The following PIK3CD variants were observed in gnomAD, a reference collection of about 807,000 sequenced individuals.
PIK3CD encodes phosphatidylinositol 4,5-bisphosphate 3-kinase catalytic subunit delta isoform.
PIK3CD carries 20 observed loss-of-function variants against 122.9 expected under a neutral mutation model. The observed-to-expected ratio is 0.16, with a 90% confidence interval of 0.11 to 0.24. The LOEUF (loss-of-function observed/expected upper bound fraction) is 0.24. Ranked by LOEUF, PIK3CD falls within the 10% of genes least tolerant of loss-of-function variation. The pLI is 1.00. For missense variants in PIK3CD, 787 were observed against 1,406.3 expected, an observed-to-expected ratio of 0.56 and a Z score of 7.04; for synonymous variants, 596 against 593.4, an observed-to-expected ratio of 1.00 and a Z score of -0.06.
chr1:9,720,320 G>T lies in PIK3CD; in HGVS notation c.1470+78G>T. On this transcript the variant is annotated intron_variant, in intron 11 of 23. Transcript: ENST00000377346. This position sits in a 1 kb window ranked among gnomAD's most constrained non-coding sequence, Gnocchi z 9.0. ...GGCCCTGCTCCTGGAGCTCTTCAGA[G>T]GGTGCTCCCTGGCCACGTCGGGGCT... The T allele has an allele frequency of 6.6e-7, 1 of 1,526,170 alleles. No homozygotes were observed. The highest frequency in any genetic ancestry group is 8.8e-7 in the Non-Finnish European group (1 of 1,130,056). The allele number at this position is 1,526,170 out of a possible 1,614,324, so 94.5% of individuals were successfully genotyped here.
chr1:9,628,681 G>A, the PIK3CD span, among the ~76,000 whole-genome samples: 1 of 152,302 alleles, frequency 6.6e-6, no homozygotes, highest in South Asian at 2.1e-4. Context: ...AGAGTTGGTG[G>A]CCCTGGTGAG....
At chr1:9,726,156 T>G (rs1294015095) in intron 23 of PIK3CD, among the ~76,000 whole-genome samples, 1 of 151,906 alleles carries the variant, frequency 6.6e-6, no homozygotes, top group Non-Finnish European at 1.5e-5. Flanking sequence ...GAGGCTGCAG[T>G]AAGCCTAGAT....
chr1:9,633,009 C>A, the PIK3CD span, among the ~76,000 whole-genome samples: 1 of 151,640 alleles, frequency 6.6e-6, no homozygotes, highest in Admixed American at 6.6e-5. Flanking sequence ...CTACAGGTGC[C>A]TGCAACCACA....
intron 1 of PIK3CD, among the ~76,000 whole-genome samples, chr1:9,677,928 G>T (rs1048403102): frequency 1.3e-5 from 2 of 151,794 alleles, no homozygotes; most frequent in Non-Finnish European, 2.9e-5. Flanking sequence ...AAGGCAGGCA[G>T]ATCACCTGAG....
intron 2 of PIK3CD, among the ~76,000 whole-genome samples, chr1:9,709,470 G>A (rs1299769913): frequency 1.3e-5 from 2 of 152,112 alleles, no homozygotes; most frequent in Non-Finnish European, 2.9e-5. Context: ...ACTTTGGGAG[G>A]CCAGAGTGAG....
chr1:9,645,151 G>C, the PIK3CD span, among the ~76,000 whole-genome samples: 5 of 151,048 alleles, frequency 3.3e-5, no homozygotes, highest in East Asian at 9.8e-4. Context: ...TCAACCGGTA[G>C]CTGGGATTAC....
chr1:9,723,469 A>G lies in PIK3CD; in HGVS notation c.2594+177A>G, dbSNP rs929887967. ...GGGTGAGGTAGGTCTCTCTTCCCCA[A>G]GTATCAGTGTCTCTTGCTATGCAAC... On this transcript the variant is annotated intron_variant, in intron 20 of 23. Transcript: ENST00000377346. This position sits in a 1 kb window ranked among gnomAD's most constrained non-coding sequence, Gnocchi z 4.9. 1.3e-5 allele frequency among the ~76,000 whole-genome samples: 2 copies of G among 152,210 alleles called. No homozygotes were observed. The highest frequency in any genetic ancestry group is 4.1e-4 in the South Asian group (2 of 4,828).
rs1175713620 is a variant in PIK3CD, at chr1:9,653,386, G to T, written c.-138+1584G>T. The T allele has an allele frequency of 6.2e-5, 12 of 194,474 alleles. No individual in the cohort carries two copies. The East Asian group carries it at 1.4e-3, about 22-fold the overall frequency. 12.0% of individuals were successfully genotyped at this position (194,474 alleles called of 1,614,324 possible). A position where few individuals can be genotyped will look rare whatever the true frequency, so the allele number is the denominator to read the frequency against. On this transcript the variant is annotated intron_variant, in intron 1 of 23. Coordinates refer to ENST00000377346, the MANE Select transcript of PIK3CD (RefSeq NM_005026.5). ...TCATTTTACAGTTAAGGAAACGAAG[G>T]CTCAGAAAAGTTAAATAACTCACCA...
At position 9,700,679 on chromosome 1, in the gene PIK3CD, C is replaced by A. The variant is rs577784690; in HGVS notation, c.-33+9108C>A. Among the ~76,000 whole-genome samples, 2 of 152,226 alleles carry A rather than the reference C, an allele frequency of 1.3e-5. No homozygotes were observed. Among genetic ancestry groups the A allele is most frequent in the East Asian group, 3.9e-4 (2 of 5,168 alleles). ...TAGCCTGCTGACTCCACAGATCTGTCCCCCGCCCTCCCACCTGGGGAGTTT... is the reference window on the plus strand; with the variant it reads ...TAGCCTGCTGACTCCACAGATCTGTACCCCGCCCTCCCACCTGGGGAGTTT... On this transcript the variant is annotated intron_variant, in intron 2 of 23. Transcript: ENST00000377346. This position sits in a 1 kb window ranked among gnomAD's most constrained non-coding sequence, Gnocchi z 5.1.
chr1:9,687,800 C>G (rs1306980709), intron 1 of PIK3CD, among the ~76,000 whole-genome samples: 2 of 152,202 alleles, frequency 1.3e-5, no homozygotes, highest in Non-Finnish European at 1.5e-5. Context: ...GCATGCGTGT[C>G]TTTTTGAGTG....
chr1:9,644,436 T>C, the PIK3CD span, among the ~76,000 whole-genome samples: 1 of 151,960 alleles, frequency 6.6e-6, no homozygotes, highest in Non-Finnish European at 1.5e-5. Context: ...GAGAATCACT[T>C]GAACCCAGGA....
At chr1:9,708,547 A>C (rs1397788627) in intron 2 of PIK3CD, among the ~76,000 whole-genome samples, 2 of 152,166 alleles carry the variant, frequency 1.3e-5, no homozygotes, top group East Asian at 3.9e-4. Context: ...TATAATAAAA[A>C]TATAAAAACA....
At position 9,719,622 on chromosome 1, in the gene PIK3CD, C is replaced by T. The variant is rs1304519976; in HGVS notation, c.1243-299C>T. ...GTTGCAATGAGCCGAGATCGTGCCA[C>T]TGCACTCCAGCCTGGGTGACAGAGC... On this transcript the variant is annotated intron_variant, in intron 9 of 23. Transcript: ENST00000377346. The surrounding 1 kb of genome is among the most constrained non-coding windows in gnomAD (Gnocchi z 5.5). Among the ~76,000 whole-genome samples, 3 of 150,700 alleles carry T rather than the reference C, an allele frequency of 2.0e-5. No homozygotes were observed. Among genetic ancestry groups the T allele is most frequent in the African/African-American group, 7.3e-5 (3 of 41,002 alleles).
chr1:9,638,991 T>G, the PIK3CD span, among the ~76,000 whole-genome samples: 2 of 151,938 alleles, frequency 1.3e-5, no homozygotes, highest in African/African-American at 2.4e-5. Context: ...GGTCTCAAAC[T>G]CCTGGGCTCA....
chr1:9,711,218 T>C (rs1041035794), intron 3 of PIK3CD, among the ~76,000 whole-genome samples: 3 of 152,070 alleles, frequency 2.0e-5, no homozygotes, highest in Non-Finnish European at 4.4e-5. Flanking sequence ...CTCAGCCTCC[T>C]GAGTAGCTGG....
intron 2 of PIK3CD, among the ~76,000 whole-genome samples, chr1:9,696,521 G>A (rs1007292662): frequency 6.6e-6 from 1 of 152,000 alleles, no homozygotes. Flanking sequence ...GGAAGCTGAA[G>A]CAGGAGAATT....
intron 2 of PIK3CD, among the ~76,000 whole-genome samples, chr1:9,707,052 A>C (rs6664621): frequency 0.019 from 2,855 of 149,600 alleles, 109 homozygotes; most frequent in African/African-American, 0.067. Context: ...GCCTCAAGTG[A>C]TCCTCCTACC....
intron 13 of PIK3CD, 82 bp from the exon 14 acceptor site, chr1:9,721,045 A>C: frequency 6.9e-7 from 1 of 1,452,886 alleles, no homozygotes; most frequent in Non-Finnish European, 9.5e-7. Context: ...CACCACCCTG[A>C]CCCTGGCTGG....
chr1:9,683,437 C>CAA (rs60086471), intron 1 of PIK3CD, among the ~76,000 whole-genome samples: 10 of 124,672 alleles, frequency 8.0e-5, no homozygotes, highest in African/African-American at 1.5e-4. Context: ...GACTCTGTCT[C>CAA]AAAAAAAAAA....
Sources: gnomAD v4.1 joint callset for allele counts (sites outside exome capture counted in the v4.1 genomes callset) on GRCh38, gnomAD v4.1.1 for gene constraint, Gnocchi (gnomAD v3.1) non-coding constraint, MANE v1.5 for transcripts, NCBI Gene and HGNC (gene_info 2026-07-23, HGNC 2026-07-21) for gene names.